The following MED16 variants were observed in gnomAD, a reference collection of about 807,000 sequenced individuals.
MED16 encodes mediator of RNA polymerase II transcription subunit 16.
Under a neutral mutation model 84.4 loss-of-function variants are expected in MED16, and 81 were observed. That is an observed-to-expected ratio of 0.96 (90% CI 0.80 to 1.15). The LOEUF (loss-of-function observed/expected upper bound fraction) is 1.15, where lower values mean the gene tolerates loss of function less well. Among genes scored for constraint, MED16 ranks in the 50% most tolerant of loss-of-function variants. The pLI is 0.00. For synonymous variants in MED16, 897 were observed against 552.2 expected (o/e 1.62, Z -8.76); for missense variants, 1,585 against 1,245.9 (o/e 1.27, Z -4.10).
intron 8 of MED16, among the ~76,000 whole-genome samples, chr19:877,713 G>A (rs1432234149): frequency 1.9e-4 from 20 of 106,862 alleles, no homozygotes; most frequent in African/African-American, 2.9e-4. Flanking sequence ...ATGCCCACCA[G>A]CCCCTGCCCC....
At position 872,855 on chromosome 19, in the gene MED16, T is replaced by G. The variant is rs1039057250; in HGVS notation, c.1905+594A>C. On this transcript the variant is annotated intron_variant, in intron 11 of 15. Coordinates refer to ENST00000325464, the MANE Select transcript of MED16 (RefSeq NM_005481.3). ...GGTGGGGCTGAGAAGGAGCAGGGCC[T>G]GGGAGGCGGGGCTTTGAGAATGGGC... 7.2e-5 allele frequency: 48 copies of G among 669,312 alleles called. 1 individual carries two copies. In the African/African-American group the frequency reaches 9.2e-4, roughly 13 times the overall value. 41.5% of individuals were successfully genotyped at this position (669,312 alleles called of 1,614,324 possible).
At position 881,479 on chromosome 19, in the gene MED16, G is replaced by A. The variant is rs559396148; in HGVS notation, c.1141+80C>T. 1.2e-4 allele frequency: 175 copies of A among 1,493,344 alleles called. 1 individual carries two copies. Among genetic ancestry groups the A allele is most frequent in the Middle Eastern group, 1.0e-3 (4 of 4,012 alleles). The allele number at this position is 1,493,344 out of a possible 1,614,324, so 92.5% of individuals were successfully genotyped here. A position where few individuals can be genotyped will look rare whatever the true frequency, so the allele number is the denominator to read the frequency against. On this transcript the variant is annotated intron_variant, in intron 7 of 15. Coordinates refer to ENST00000325464, the MANE Select transcript of MED16 (RefSeq NM_005481.3). ...CACGTCCTCTGGTGTGAGCTCCCAC[G>A]ACCCCGTGGCCTGTGCTCAGGGCCC...
intron 7 of MED16, among the ~76,000 whole-genome samples, chr19:881,289 C>T (rs562092869): frequency 2.6e-5 from 4 of 152,202 alleles, no homozygotes; most frequent in African/African-American, 9.7e-5. Flanking sequence ...CACCAAGTTC[C>T]CCAGGCTCCC....
At chr19:884,512 A>G (rs2036485724) in intron 6 of MED16, among the ~76,000 whole-genome samples, 1 of 151,716 alleles carries the variant, frequency 6.6e-6, no homozygotes, top group Non-Finnish European at 1.5e-5. Context: ...GATTCCGTGC[A>G]CCGCCCCTGC....
chr19:885,685 C>A, intron 5 of MED16, 85 bp downstream of exon 5: 1 of 1,485,516 alleles, frequency 6.7e-7, no homozygotes, highest in Non-Finnish European at 9.1e-7. Context: ...CGTGGAGGCC[C>A]GCGCGGGTCT....
rs1280186297 is a variant in MED16, at chr19:873,122, G to A, written c.1905+327C>T. The A allele has an allele frequency of 9.8e-6, 2 of 203,558 alleles. 1 individual carries two copies. Among genetic ancestry groups the A allele is most frequent in the Non-Finnish European group, 1.6e-5 (2 of 123,166 alleles). The allele number at this position is 203,558 out of a possible 1,614,324, so 12.6% of individuals were successfully genotyped here. On this transcript the variant is annotated intron_variant, in intron 11 of 15. Coordinates refer to ENST00000325464, the MANE Select transcript of MED16 (RefSeq NM_005481.3). ...GGGCTCCGAGGTGGGGCAGGGCTCC[G>A]AGATGGGGCAGGGCTCCGAGGTGGG...
intron 4 of MED16, among the ~76,000 whole-genome samples, chr19:886,942 G>A (rs2036537542): frequency 6.6e-6 from 1 of 152,032 alleles, no homozygotes; most frequent in Non-Finnish European, 1.5e-5. Context: ...AGCCGGGCAT[G>A]GTAGCGGGTG....
chr19:868,327 G>C (rs765783244), intron 15 of MED16, 76 bp from the exon 16 acceptor site: 1 of 1,579,276 alleles, frequency 6.3e-7, no homozygotes, highest in South Asian at 1.1e-5. Flanking sequence ...GCCGGGCTCA[G>C]GGGCAGCTGA....
rs2036258190 is a variant in MED16 at position 876,965 on chromosome 19, G to GGGCCCCACCTGCCACGA, written c.1560+8_1560+9insTCGTGGCAGGTGGGGCC. 2 of 1,606,792 alleles carry GGGCCCCACCTGCCACGA rather than the reference G, an allele frequency of 1.2e-6. No individual in the cohort carries two copies. The highest frequency in any genetic ancestry group is 2.2e-5 in the East Asian group (1 of 44,714). ...CTGCCACGGGGCCCCACCTGCCACG[G>GGGCCCCACCTGCCACGA]GCCCCCACCTGCTGCAGGGCAGCGG... On this transcript the variant is annotated intron_variant, in intron 9 of 15. Transcript: ENST00000325464.
At chr19:882,955 G>C (rs571870528) in intron 6 of MED16, among the ~76,000 whole-genome samples, 1 of 152,242 alleles carries the variant, frequency 6.6e-6, no homozygotes, top group Non-Finnish European at 1.5e-5. Context: ...AGGGCACACA[G>C]TGGTCAGGGG....
At chr19:889,301 G>C (rs1463359400) in intron 4 of MED16, among the ~76,000 whole-genome samples, 1 of 152,176 alleles carries the variant, frequency 6.6e-6, no homozygotes, top group East Asian at 1.9e-4. Flanking sequence ...GAAGACAGCA[G>C]CCACCAGTTA....
At chr19:876,057 T>C (rs2036221553) in intron 9 of MED16, among the ~76,000 whole-genome samples, 1 of 152,172 alleles carries the variant, frequency 6.6e-6, no homozygotes, top group Non-Finnish European at 1.5e-5. Flanking sequence ...TGGCTACGGA[T>C]CCCAGCCACG....
chr19:889,353 AT>A (rs1337962877), intron 4 of MED16, among the ~76,000 whole-genome samples: 1 of 151,808 alleles, frequency 6.6e-6, no homozygotes, highest in Admixed American at 6.5e-5. Flanking sequence ...AGTGAAAGAG[AT>A]AACTCACTAA....
chr19:888,991 G>A (rs1480650277), intron 4 of MED16, among the ~76,000 whole-genome samples: 2 of 152,124 alleles, frequency 1.3e-5, no homozygotes, highest in Non-Finnish European at 2.9e-5. Flanking sequence ...ACACAGAGGT[G>A]AGGAGTCAGA....
intron 8 of MED16, among the ~76,000 whole-genome samples, chr19:878,228 C>T (rs1419108416): frequency 5.4e-4 from 52 of 97,042 alleles, no homozygotes; most frequent in Middle Eastern, 0.014. Flanking sequence ...GTTGTCAATG[C>T]CCACCAGCCC....
At chr19:889,055 C>A (rs1272921163) in intron 4 of MED16, among the ~76,000 whole-genome samples, 2 of 134,964 alleles carry the variant, frequency 1.5e-5, no homozygotes, top group Non-Finnish European at 3.1e-5. Context: ...TAACTGTCCC[C>A]CCCAACCCTG....
intron 4 of MED16, among the ~76,000 whole-genome samples, chr19:888,326 A>T (rs1211348024): frequency 6.6e-6 from 1 of 152,092 alleles, no homozygotes; most frequent in Admixed American, 6.5e-5. Context: ...GTTCGAGACC[A>T]GCCTGGCCAA....
chr19:884,161 T>C (rs2036477338), intron 6 of MED16, among the ~76,000 whole-genome samples: 1 of 152,174 alleles, frequency 6.6e-6, no homozygotes, highest in African/African-American at 2.4e-5. Context: ...CAAATGCCTG[T>C]GCTCTCATCT....
chr19:888,910 C>A (rs776798544), intron 4 of MED16, among the ~76,000 whole-genome samples: 45 of 152,258 alleles, frequency 3.0e-4, no homozygotes, highest in Admixed American at 1.1e-3. Flanking sequence ...CACAGAGGCA[C>A]GAAGCTGGGG....
Sources: gnomAD v4.1 joint callset for allele counts (sites outside exome capture counted in the v4.1 genomes callset) on GRCh38, gnomAD v4.1.1 for gene constraint, MANE v1.5 for transcripts, NCBI Gene and HGNC (gene_info 2026-07-23, HGNC 2026-07-21) for gene names.